The following TRPM4 variants were observed in gnomAD, a reference collection of about 807,000 sequenced individuals.
TRPM4 encodes the protein transient receptor potential cation channel subfamily M member 4.
Under a neutral mutation model 135.6 loss-of-function variants are expected in TRPM4, and 124 were observed. That is an observed-to-expected ratio of 0.91 (90% CI 0.79 to 1.06). The LOEUF (loss-of-function observed/expected upper bound fraction) is 1.06. Among genes scored for constraint, TRPM4 ranks in the 50% least tolerant of loss-of-function variants. TRPM4 has a pLI of 0.00. For synonymous variants in TRPM4, 745 were observed against 705.6 expected, an observed-to-expected ratio of 1.06 and a Z score of -0.88; for missense variants, 1,658 against 1,671.4, an observed-to-expected ratio of 0.99 and a Z score of 0.14.
intron 14 of TRPM4, among the ~76,000 whole-genome samples, chr19:49,189,904 T>C (rs573432100): frequency 6.6e-6 from 1 of 152,270 alleles, no homozygotes; most frequent in Admixed American, 6.5e-5. Flanking sequence ...CTGTGCCTCA[T>C]GTGTACCAAG....
intron 9 of TRPM4, 149 bp downstream of exon 9, chr19:49,172,257 T>G (rs1340651734): frequency 4.3e-6 from 3 of 690,598 alleles, no homozygotes; most frequent in African/African-American, 1.8e-5. Context: ...CTTTGCATGG[T>G]GCTATTTGGG....
At chr19:49,177,486 C>A (rs1047621993) in intron 9 of TRPM4, among the ~76,000 whole-genome samples, 10 of 152,038 alleles carry the variant, frequency 6.6e-5, no homozygotes, top group African/African-American at 2.4e-4. Context: ...TGCCACTATG[C>A]CTGGCTAATG....
At chr19:49,165,976 C>T in intron 2 of TRPM4, 65 bp from the exon 3 acceptor site, 1 of 1,498,348 alleles carries the variant, frequency 6.7e-7, no homozygotes, top group Non-Finnish European at 9.0e-7. Context: ...GGAGCATGAA[C>T]ACGCTGACAG....
Position 49,182,764 on chromosome 19 carries a change from G to C in TRPM4, c.1450G>C (p.Ala484Pro). Reference protein sequence around the residue: ...RNLLDQASHSAGTKAPALKGG... With the variant: ...RNLLDQASHSPGTKAPALKGG... ...CCTTTTGGACCAGGCGTCCCACAGCGCAGGCACCAAAGCCCCAGCCCTAAA... is the reference window on the plus strand; with the variant it reads ...CCTTTTGGACCAGGCGTCCCACAGCCCAGGCACCAAAGCCCCAGCCCTAAA... The change falls in exon 11 of 25, where the codon GCA (alanine) becomes CCA (proline). Residue 484 changes from alanine to proline, a missense_variant. Ala to Pro is a conservative substitution (Grantham distance 27, BLOSUM62 -1). Coordinates refer to ENST00000252826, the MANE Select transcript of TRPM4 (RefSeq NM_017636.4). The C allele has an allele frequency of 6.2e-7, 1 of 1,613,674 alleles. No homozygotes were observed. Among genetic ancestry groups the C allele is most frequent in the African/African-American group, 1.3e-5 (1 of 75,054 alleles).
At position 49,196,529 on chromosome 19, in the gene TRPM4, G is replaced by T. The variant is rs1229818869; in HGVS notation, c.2300G>T (p.Arg767Leu). 1.3e-6 allele frequency: 2 copies of T among 1,554,192 alleles called. No homozygotes were observed. Among genetic ancestry groups the T allele is most frequent in the Non-Finnish European group, 1.7e-6 (2 of 1,153,550 alleles). ...GCCGGRCGGR[R>L]CLRRWFHFWG... ...TGCGGGGGCCGCTGCGGGGGGCGCC[G>T]GTGCCTACGCCGCTGGTTCCACTTC... The change falls in exon 17 of 25, where the codon CGG becomes CTG. Residue 767 changes from arginine (R) to leucine (L), a missense_variant. This residue lies in a region of TRPM4 where 1,412 missense variants were observed against 1,408.7 expected (regional missense o/e 1.00). Coordinates refer to ENST00000252826, the MANE Select transcript of TRPM4 (RefSeq NM_017636.4).
intron 16 of TRPM4, among the ~76,000 whole-genome samples, chr19:49,194,171 C>T (rs761469041): frequency 5.9e-5 from 9 of 151,672 alleles, no homozygotes; most frequent in Non-Finnish European, 1.2e-4. Context: ...TCCTCCTGCT[C>T]CTGCTTCTCC....
At chr19:49,181,167 C>T (rs1225406485) in intron 9 of TRPM4, among the ~76,000 whole-genome samples, 182 bp from the exon 10 acceptor site, 1 of 152,116 alleles carries the variant, frequency 6.6e-6, no homozygotes, top group Non-Finnish European at 1.5e-5. Flanking sequence ...TGCTCTGGCC[C>T]TGAGCCAAAT....
chr19:49,162,784 T>C (rs1284882186), intron 2 of TRPM4, among the ~76,000 whole-genome samples: 4 of 151,848 alleles, frequency 2.6e-5, no homozygotes, highest in African/African-American at 9.7e-5. Flanking sequence ...TTTTTTGAGG[T>C]GGAGTCTCGC....
At position 49,157,988 on chromosome 19, in the gene TRPM4, G is replaced by A. The variant is rs548000890; in HGVS notation, c.24+98G>A. ...GCTGGACACCCAGATTCCTGGGTCA[G>A]ACGGAGGAGGGGGATGGGAGGGTCC... On this transcript the variant is annotated intron_variant, in intron 1 of 24. Coordinates refer to ENST00000252826, the MANE Select transcript of TRPM4 (RefSeq NM_017636.4). 41 of 1,404,080 alleles carry A rather than the reference G, an allele frequency of 2.9e-5. No homozygotes were observed. In the South Asian group the frequency reaches 4.8e-4, roughly 16 times the overall value. The allele number at this position is 1,404,080 out of a possible 1,614,324, so 87.0% of individuals were successfully genotyped here.
Position 49,168,503 on chromosome 19 carries a change from C to T in TRPM4, c.613-50C>T, listed in dbSNP as rs762377900. 5 of 1,613,512 alleles carry T rather than the reference C, an allele frequency of 3.1e-6. No homozygotes were observed. In the South Asian group the frequency reaches 5.5e-5, roughly 18 times the overall value. Reference sequence around the variant, plus strand: ...GGGAGGAGGAGGGGCTCGTGTTTGTCCTTCTGGCCCCGATGAGGAGACGCC... The same window carrying T: ...GGGAGGAGGAGGGGCTCGTGTTTGTTCTTCTGGCCCCGATGAGGAGACGCC... On this transcript the variant is annotated intron_variant, in intron 5 of 24. Transcript: ENST00000252826.
intron 16 of TRPM4, among the ~76,000 whole-genome samples, chr19:49,196,231 G>C (rs1023951953): frequency 6.6e-6 from 1 of 152,122 alleles, no homozygotes; most frequent in Non-Finnish European, 1.5e-5. Context: ...CCAACTCCTC[G>C]GCTCAAGCGA....
rs751903628 is a variant in TRPM4, at chr19:49,196,493, G to T, written c.2264G>T (p.Arg755Leu). Residue 755 changes from arginine (R) to leucine (L), a missense_variant, in exon 17 of 25, where the codon CGT becomes CTT. By Grantham distance (102) the Arg-to-Leu change is moderately radical (BLOSUM62 -2). Transcript: ENST00000252826. ...CTGGGGGTCCCGCGCCAGTCGGGCC[G>T]TCCGGGTTGCTGCGGGGGCCGCTGC... is the stretch of plus-strand genomic sequence containing the variant. Reference protein sequence around the residue: ...TPLGVPRQSGRPGCCGGRCGG... With the variant: ...TPLGVPRQSGLPGCCGGRCGG... The T allele has an allele frequency of 1.9e-6, 3 of 1,556,236 alleles. No homozygotes were observed. Among genetic ancestry groups the T allele is most frequent in the South Asian group, 1.2e-5 (1 of 84,932 alleles).
rs568555482 is a variant in TRPM4 at position 49,202,547 on chromosome 19, A to G, written c.3131+406A>G. On this transcript the variant is annotated intron_variant, in intron 20 of 24. Coordinates refer to ENST00000252826, the MANE Select transcript of TRPM4 (RefSeq NM_017636.4). The stretch of plus-strand genomic sequence containing the variant: ...AAAAATTTTTGGAGAGAGGGGTCTC[A>G]CTATGTTGTCCATGCTAGTCTCGAG... Among the ~76,000 whole-genome samples, 3 of 152,018 alleles carry G rather than the reference A, an allele frequency of 2.0e-5. No individual in the cohort carries two copies. In the East Asian group the frequency reaches 5.8e-4, roughly 29 times the overall value.
At chr19:49,163,670 T>C (rs1407132371) in intron 2 of TRPM4, among the ~76,000 whole-genome samples, 11 of 152,070 alleles carry the variant, frequency 7.2e-5, no homozygotes, top group Non-Finnish European at 8.8e-5. Context: ...TAAAACAATT[T>C]TTTTTGTAGG....
rs1241752441 is a variant in TRPM4, at chr19:49,168,426, G to C, written c.612+3G>C. On this transcript the variant is annotated splice_donor_region_variant and intron_variant, in intron 5 of 24. Coordinates refer to ENST00000252826, the MANE Select transcript of TRPM4 (RefSeq NM_017636.4). ...GAGACACCCTCATCAACCCCAAGGT[G>C]TGACCCAGGGACTTGGAAAAGGGGG... 6.2e-7 allele frequency: 1 copy of C among 1,613,914 alleles called. No individual in the cohort carries two copies. The highest frequency in any genetic ancestry group is 1.3e-5 in the African/African-American group (1 of 74,912).
chr19:49,157,934 C>T, intron 1 of TRPM4, 44 bp downstream of exon 1: 2 of 1,530,686 alleles, frequency 1.3e-6, no homozygotes, highest in East Asian at 2.4e-5. Flanking sequence ...AGCTGGGGAC[C>T]TCGCCTCCAG....
At chr19:49,199,215 A>G (rs1209563766) in intron 17 of TRPM4, among the ~76,000 whole-genome samples, 2 of 150,818 alleles carry the variant, frequency 1.3e-5, no homozygotes, top group African/African-American at 4.9e-5. Context: ...CCTAAGCTTA[A>G]TGGCCATATG....
intron 2 of TRPM4, 192 bp downstream of exon 2, chr19:49,158,451 T>G: frequency 3.2e-6 from 2 of 627,766 alleles, no homozygotes. Context: ...CCATTCGCCA[T>G]TCTCCCGCTC....
rs557980037 is a variant in TRPM4, at chr19:49,193,361, A to G, written c.2210+2588A>G. Among the ~76,000 whole-genome samples, 66 of 152,250 alleles carry G rather than the reference A, an allele frequency of 4.3e-4. 1 individual carries two copies. Among genetic ancestry groups the G allele is most frequent in the African/African-American group, 1.5e-3 (63 of 41,530 alleles). On this transcript the variant is annotated intron_variant, in intron 16 of 24. Transcript: ENST00000252826. ...CTCCCAAAGTGCTGGGATTACAAGCATGAGCCACCGCACCCGTCCGGAAAT... is the reference window on the plus strand; with the variant it reads ...CTCCCAAAGTGCTGGGATTACAAGCGTGAGCCACCGCACCCGTCCGGAAAT...
Sources: gnomAD v4.1 joint callset for allele counts (sites outside exome capture counted in the v4.1 genomes callset) on GRCh38, gnomAD v4.1.1 for gene constraint, gnomAD v4.1.1 regional missense constraint, MANE v1.5 for transcripts, NCBI Gene and HGNC (gene_info 2026-07-23, HGNC 2026-07-21) for gene names.